Variants in RBFOX1 observed in about 807,000 individuals in gnomAD.
RBFOX1 encodes RNA binding protein fox-1 homolog 1.
In RBFOX1, 8 loss-of-function variants were observed where a neutral mutation model predicts 57.7. That is an observed-to-expected ratio of 0.14 (90% CI 0.08 to 0.25). The LOEUF (loss-of-function observed/expected upper bound fraction) is 0.25, where lower values mean the gene tolerates loss of function less well. RBFOX1 is among the 10% of genes least tolerant of loss of function. The probability of loss-of-function intolerance (pLI) is 1.00; values close to 1 mark genes in which losing one functional copy is unlikely to be tolerated. For synonymous variants in RBFOX1, 326 were observed against 222.4 expected, an observed-to-expected ratio of 1.47 and a Z score of -4.15; for missense variants, 611 against 548.5, an observed-to-expected ratio of 1.11 and a Z score of -1.14.
intron 1 of RBFOX1, among the ~76,000 whole-genome samples, chr16:6,168,415 G>C (rs1295199884): frequency 2.0e-5 from 3 of 152,108 alleles, no homozygotes; most frequent in Non-Finnish European, 4.4e-5. Flanking sequence ...AGCCAGGCAA[G>C]CTCACATTAC....
chr16:5,502,869 G>T (rs951663801), intron 2 of RBFOX1, among the ~76,000 whole-genome samples: 3 of 152,094 alleles, frequency 2.0e-5, no homozygotes, highest in African/African-American at 7.2e-5. Flanking sequence ...CAGAGCACAG[G>T]AGCAATTCTG....
intron 3 of RBFOX1, among the ~76,000 whole-genome samples, chr16:5,776,177 G>A (rs747612486): frequency 6.6e-6 from 1 of 152,238 alleles, no homozygotes; most frequent in Non-Finnish European, 1.5e-5. Context: ...GTTTCACTGT[G>A]TGAAGGCTGT....
At chr16:7,454,418 C>G (rs1268295487) in intron 4 of RBFOX1, among the ~76,000 whole-genome samples, 1 of 152,200 alleles carries the variant, frequency 6.6e-6, no homozygotes, top group Non-Finnish European at 1.5e-5. Context: ...CCCAAGTTAT[C>G]AAGTCAAACT....
intron 4 of RBFOX1, among the ~76,000 whole-genome samples, chr16:7,265,981 T>TG (rs2095121494): frequency 7.1e-6 from 1 of 140,814 alleles, no homozygotes; most frequent in Non-Finnish European, 1.5e-5. Context: ...TTTTTTTTTT[T>TG]TTTTTTTTTC....
In RBFOX1 at chr16:7,357,249, A is replaced by G. The variant is rs76583707; in HGVS notation, c.28-160898A>G. ...AGGAGAAATGGAAAAAAAAAAAAAAATCTCTTGGATGGAGGATATCAGTCC... is the reference window on the plus strand; with the variant it reads ...AGGAGAAATGGAAAAAAAAAAAAAAGTCTCTTGGATGGAGGATATCAGTCC... On this transcript the variant is annotated intron_variant, in intron 4 of 15. Coordinates refer to ENST00000550418, the MANE Select transcript of RBFOX1 (RefSeq NM_018723.4). Among the ~76,000 whole-genome samples the G allele has an allele frequency of 5.9e-5, 9 of 151,314 alleles. No homozygotes were observed. In the South Asian group the frequency reaches 1.5e-3, roughly 25 times the overall value.
At chr16:6,577,783 C>A (rs977386009) in intron 2 of RBFOX1, among the ~76,000 whole-genome samples, 5 of 152,210 alleles carry the variant, frequency 3.3e-5, no homozygotes, top group Non-Finnish European at 7.3e-5. Context: ...AGTCACATGG[C>A]CTCCTTTTCC....
intron 2 of RBFOX1, among the ~76,000 whole-genome samples, chr16:6,635,353 A>ATTTT (rs2098423109): frequency 6.6e-6 from 1 of 152,132 alleles, no homozygotes; most frequent in African/African-American, 2.4e-5. Context: ...TGCCCTGTAA[A>ATTTT]TATAAGTACA....
At chr16:5,840,724 C>G (rs530302440) in intron 3 of RBFOX1, among the ~76,000 whole-genome samples, 1 of 152,294 alleles carries the variant, frequency 6.6e-6, no homozygotes, top group East Asian at 1.9e-4. Flanking sequence ...CAGAAGGAGC[C>G]TTCTCACAGC....
chr16:7,279,203 C>A (rs1454013482), intron 4 of RBFOX1, among the ~76,000 whole-genome samples: 2 of 151,376 alleles, frequency 1.3e-5, no homozygotes, highest in East Asian at 3.9e-4. Flanking sequence ...CTCTGACTTA[C>A]ACAGAGGAAG....
intron 1 of RBFOX1, among the ~76,000 whole-genome samples, chr16:6,123,163 A>G (rs1269426126): frequency 6.6e-6 from 1 of 152,184 alleles, no homozygotes; most frequent in Non-Finnish European, 1.5e-5. Flanking sequence ...ATACACACAA[A>G]GGAACTGAAA....
chr16:6,222,000 T>A (rs2152881592), intron 1 of RBFOX1, among the ~76,000 whole-genome samples: 1 of 152,312 alleles, frequency 6.6e-6, no homozygotes. Context: ...TCCTTCTTCA[T>A]GTTTCCTCAT....
chr16:5,898,760 T>G (rs1383721455), intron 4 of RBFOX1, among the ~76,000 whole-genome samples: 1 of 151,916 alleles, frequency 6.6e-6, no homozygotes, highest in Non-Finnish European at 1.5e-5. Flanking sequence ...CATTAATTCA[T>G]ATAAAAAAAT....
intron 4 of RBFOX1, among the ~76,000 whole-genome samples, chr16:7,384,249 A>G (rs4267322): frequency 0.5 from 75,425 of 151,722 alleles, 19,595 homozygotes; most frequent in East Asian, 0.76. Flanking sequence ...AGCAAGGAGT[A>G]TGAAACTTAT....
chr16:5,461,575 G>A (rs537597537), intron 1 of RBFOX1, among the ~76,000 whole-genome samples: 47 of 152,310 alleles, frequency 3.1e-4, no homozygotes, highest in African/African-American at 1.1e-3. Context: ...TGAGGAAAAA[G>A]GGGCAGAGTC....
intron 3 of RBFOX1, among the ~76,000 whole-genome samples, chr16:6,965,572 A>G (rs1010652648): frequency 6.6e-6 from 1 of 152,146 alleles, no homozygotes; most frequent in Non-Finnish European, 1.5e-5. Flanking sequence ...CCGGACCTCA[A>G]GTGATCTCCC....
rs541406243 is a variant in RBFOX1 at position 6,021,658 on chromosome 16, G to C, written c.-127+1666G>C. On this transcript the variant is annotated intron_variant, in intron 1 of 15. Coordinates refer to ENST00000550418, the MANE Select transcript of RBFOX1 (RefSeq NM_018723.4). Reference sequence around the variant, plus strand: ...TTAGGAAGAAAAGTCATCATTCCTCGCGGTAGTGGAAGTGACACCTTAGGG... The same window carrying C: ...TTAGGAAGAAAAGTCATCATTCCTCCCGGTAGTGGAAGTGACACCTTAGGG... 2.1e-4 allele frequency among the ~76,000 whole-genome samples: 32 copies of C among 152,232 alleles called. 1 individual carries two copies. The South Asian group carries it at 6.4e-3, about 31-fold the overall frequency.
intron 6 of RBFOX1, among the ~76,000 whole-genome samples, chr16:7,580,918 C>T (rs940108272): frequency 6.6e-6 from 1 of 152,172 alleles, no homozygotes; most frequent in African/African-American, 2.4e-5. Context: ...AGAGACTCTT[C>T]CTCTAAGAGT....
intron 2 of RBFOX1, among the ~76,000 whole-genome samples, chr16:6,582,162 A>G (rs569153170): frequency 6.6e-6 from 1 of 152,342 alleles, no homozygotes; most frequent in Non-Finnish European, 1.5e-5. Context: ...CCCCTTGTAA[A>G]TATAAAACAC....
At chr16:6,226,755 T>TA (rs1165479546) in intron 1 of RBFOX1, among the ~76,000 whole-genome samples, 10 of 152,066 alleles carry the variant, frequency 6.6e-5, no homozygotes, top group Non-Finnish European at 2.9e-5. Flanking sequence ...CTTTCATCTT[T>TA]AAAATGAAGT....
Sources: allele counts gnomAD v4.1 joint callset (sites outside exome capture counted in the v4.1 genomes callset), GRCh38; gene constraint gnomAD v4.1.1; transcripts MANE v1.5; gene names NCBI Gene and HGNC (gene_info 2026-07-23, HGNC 2026-07-21).